The following ABCB1 variants were observed in gnomAD, a reference collection of about 807,000 sequenced individuals.
ABCB1 encodes the protein ATP-dependent translocase ABCB1.
ABCB1 carries 69 observed loss-of-function variants against 142.0 expected under a neutral mutation model. The observed-to-expected ratio is 0.49, with a 90% CI of 0.40 to 0.59. ABCB1 has a LOEUF of 0.59. Ranked by LOEUF, ABCB1 falls within the 20% of genes least tolerant of loss-of-function variation. ABCB1 has a pLI of 0.00. For missense variants in ABCB1, 1,326 were observed against 1,554.7 expected (o/e 0.85, Z 2.47); for synonymous variants, 532 against 539.2 (o/e 0.99, Z 0.18).
intron 1 of ABCB1, among the ~76,000 whole-genome samples, chr7:87,658,242 A>C (rs894813368): frequency 2.0e-5 from 3 of 152,214 alleles, no homozygotes; most frequent in African/African-American, 7.2e-5. Context: ...TGCTGAAAAA[A>C]TATGAAACTG....
At chr7:87,566,561 A>C (rs987558634) in intron 6 of ABCB1, among the ~76,000 whole-genome samples, 3 of 152,194 alleles carry the variant, frequency 2.0e-5, no homozygotes, top group African/African-American at 7.2e-5. Context: ...ATTCTGGCAA[A>C]GCCCAGTCCT....
intron 5 of ABCB1, among the ~76,000 whole-genome samples, chr7:87,569,951 C>T (rs1817965978): frequency 1.3e-5 from 2 of 152,158 alleles, no homozygotes; most frequent in South Asian, 4.1e-4. Context: ...TGATATTCTA[C>T]ATTGATCAAT....
chr7:87,600,075 C>A, intron 2 of ABCB1, 42 bp downstream of exon 2: 1 of 1,543,502 alleles, frequency 6.5e-7, no homozygotes, highest in African/African-American at 1.4e-5. Flanking sequence ...TTACTCAAAT[C>A]TCGCAACTAT....
intron 1 of ABCB1, among the ~76,000 whole-genome samples, chr7:87,687,220 C>G (rs1220325596): frequency 6.6e-6 from 1 of 152,028 alleles, no homozygotes; most frequent in African/African-American, 2.4e-5. Flanking sequence ...CTACCCTTAT[C>G]AGTCTTTTGA....
At chr7:87,690,018 CAG>C (rs1827867196) in intron 1 of ABCB1, among the ~76,000 whole-genome samples, 4 of 151,832 alleles carry the variant, frequency 2.6e-5, no homozygotes, top group South Asian at 2.1e-4. Flanking sequence ...TTTATAGAGA[CAG>C]AGTCTCACTG....
At chr7:87,529,686 C>T (rs571161165) in intron 21 of ABCB1, among the ~76,000 whole-genome samples, 1 of 152,338 alleles carries the variant, frequency 6.6e-6, no homozygotes, top group South Asian at 2.1e-4. Flanking sequence ...TGGGACATTT[C>T]AAATACCTCA....
upstream of ABCB1, among the ~76,000 whole-genome samples, chr7:87,602,473 C>T (rs915318975): frequency 5.3e-5 from 8 of 151,968 alleles, no homozygotes; most frequent in East Asian, 1.9e-4. Flanking sequence ...TCATTACATG[C>T]GTTTTTAATC....
chr7:87,539,496 A>G, intron 18 of ABCB1, 151 bp from the exon 19 acceptor site: 1 of 821,230 alleles, frequency 1.2e-6, no homozygotes, highest in Non-Finnish European at 2.0e-6. Flanking sequence ...GTGCCATGGC[A>G]CAAGGCTGTA....
chr7:87,593,828 A>T (rs151029456), intron 3 of ABCB1, among the ~76,000 whole-genome samples: 1 of 152,182 alleles, frequency 6.6e-6, no homozygotes, highest in South Asian at 2.1e-4. Flanking sequence ...AGAGAACTCT[A>T]GGAGCTTGCA....
At position 87,550,562 on chromosome 7, in the gene ABCB1, C is replaced by T. The variant is rs1453587307; in HGVS notation, c.1130G>A (p.Ser377Asn). Residue 377 changes from serine to asparagine, a missense_variant, in exon 11 of 28, where the codon AGC becomes AAC. By Grantham distance (46) the Ser-to-Asn change is conservative. Coordinates refer to ENST00000622132, the MANE Select transcript of ABCB1 (RefSeq NM_001348946.2). Reference protein sequence around the residue: ...KIIDNKPSIDSYSKSGHKPDN... With the variant: ...KIIDNKPSIDNYSKSGHKPDN... ...TGGTTTGTGCCCACTCTTCGAATAG[C>T]TGTCAATACTTGGCTTCTAAACAGA... 1.2e-6 allele frequency: 2 copies of T among 1,613,348 alleles called. No homozygotes were observed. The highest frequency in any genetic ancestry group is 2.2e-5 in the East Asian group (1 of 44,858).
rs552438709 is a variant in ABCB1 at position 87,649,370 on chromosome 7, A to C, written c.-330-48292T>G. On this transcript the variant is annotated intron_variant, in intron 1 of 28. Coordinates refer to the ABCB1 transcript ENST00000265724. ...AGCATTGTCCTAGGTGCTGAGGGAG[A>C]TACATAGTTCAGAAAGCGTGGTTCT... Among the ~76,000 whole-genome samples, 14 of 152,334 alleles carry C rather than the reference A, an allele frequency of 9.2e-5. No homozygotes were observed. In the South Asian group the frequency reaches 2.9e-3, roughly 32 times the overall value.
intron 26 of ABCB1, among the ~76,000 whole-genome samples, chr7:87,507,214 T>G (rs1478505944): frequency 6.6e-6 from 1 of 152,144 alleles, no homozygotes; most frequent in Non-Finnish European, 1.5e-5. Flanking sequence ...TGTCTACAGG[T>G]GTGTTCTGTG....
Position 87,544,199 on chromosome 7 carries a change from C to G in ABCB1, c.2141G>C (p.Gly714Ala), listed in dbSNP as rs748919574. The change falls in exon 17 of 28, where the codon GGT becomes GCT. Residue 714 changes from glycine to alanine, a missense_variant. Coordinates refer to ENST00000622132, the MANE Select transcript of ABCB1 (RefSeq NM_001348946.2). ...TCCATTTATAATGGCACAAAATACA[C>G]CAACAACAAAATAAGGCCATTCAGT... ...NLTEWPYFVV[G>A]VFCAIINGGL... The G allele has an allele frequency of 9.3e-6, 15 of 1,613,696 alleles. No homozygotes were observed. Among genetic ancestry groups the G allele is most frequent in the Non-Finnish European group, 1.3e-5 (15 of 1,179,880 alleles).
chr7:87,521,802 A>G lies in ABCB1; in HGVS notation c.2686-926T>C, dbSNP rs2117101273. The G allele has an allele frequency of 5.1e-6, 4 of 783,768 alleles. No homozygotes were observed. The East Asian group carries it at 9.7e-5, about 19-fold the overall frequency. The allele number at this position is 783,768 out of a possible 1,614,324, so 48.6% of individuals were successfully genotyped here. A position where few individuals can be genotyped will look rare whatever the true frequency, so the allele number is the denominator to read the frequency against. On this transcript the variant is annotated intron_variant, in intron 21 of 27. Transcript: ENST00000622132. ...AAAAGATATTTGTTGGTGGCATTAA[A>G]GACACTGAAGAACATCACCTAGGAG...
intron 25 of ABCB1, among the ~76,000 whole-genome samples, chr7:87,512,537 C>T (rs1815060208): frequency 6.6e-6 from 1 of 152,190 alleles, no homozygotes; most frequent in African/African-American, 2.4e-5. Flanking sequence ...TCAAGGTCCA[C>T]TGATGGTCAC....
intron 18 of ABCB1, among the ~76,000 whole-genome samples, chr7:87,540,170 ATC>A (rs1282855808): frequency 1.3e-5 from 2 of 152,228 alleles, no homozygotes; most frequent in Admixed American, 1.3e-4. Flanking sequence ...AAATAAAGAG[ATC>A]TAGTCACAGT....
chr7:87,555,219 G>A, intron 8 of ABCB1, among the ~76,000 whole-genome samples: 1 of 152,148 alleles, frequency 6.6e-6, no homozygotes, highest in Admixed American at 6.5e-5. Context: ...AAGGATTAGA[G>A]AAACAGGACA....
At chr7:87,561,593 C>T (rs1175714798) in intron 7 of ABCB1, among the ~76,000 whole-genome samples, 2 of 152,076 alleles carry the variant, frequency 1.3e-5, no homozygotes. Context: ...AACTTGGGTC[C>T]CAGAGGGTCC....
intron 1 of ABCB1, among the ~76,000 whole-genome samples, chr7:87,701,612 A>T (rs1189576088): frequency 6.6e-6 from 1 of 152,182 alleles, no homozygotes; most frequent in Non-Finnish European, 1.5e-5. Flanking sequence ...TAGTATGAAA[A>T]AGTCATTAAT....
Sources: gnomAD v4.1 joint callset for allele counts (sites outside exome capture counted in the v4.1 genomes callset) on GRCh38, gnomAD v4.1.1 for gene constraint, MANE v1.5 for transcripts, NCBI Gene and HGNC (gene_info 2026-07-23, HGNC 2026-07-21) for gene names.